Variants in PPFIA2 observed in about 807,000 individuals in gnomAD.
PPFIA2 encodes the protein liprin-alpha-2.
A neutral mutation model predicts 175.5 loss-of-function variants in PPFIA2; 46 were observed. The observed-to-expected ratio is 0.26, with a 90% CI of 0.21 to 0.34. The LOEUF is 0.34. Ranked by LOEUF, PPFIA2 falls within the 10% of genes least tolerant of loss-of-function variation. PPFIA2 has a pLI of 1.00. For missense variants in PPFIA2, 1,179 were observed against 1,506.1 expected, an observed-to-expected ratio of 0.78 and a Z score of 3.60; for synonymous variants, 568 against 511.4, an observed-to-expected ratio of 1.11 and a Z score of -1.49.
chr12:81,687,721 T>C (rs533664997), intron 3 of PPFIA2, among the ~76,000 whole-genome samples: 4 of 152,152 alleles, frequency 2.6e-5, no homozygotes, highest in African/African-American at 9.6e-5. Context: ...TAAATCAATC[T>C]ATGTCCTAGT....
intron 27 of PPFIA2, among the ~76,000 whole-genome samples, chr12:81,280,238 T>C (rs1376753336): frequency 6.6e-6 from 1 of 152,210 alleles, no homozygotes; most frequent in Non-Finnish European, 1.5e-5. Context: ...AAATTCCTTA[T>C]CTTTTTCACA....
At chr12:81,363,264 A>T (rs895483832) in intron 14 of PPFIA2, among the ~76,000 whole-genome samples, 4 of 151,082 alleles carry the variant, frequency 2.6e-5, no homozygotes, top group Admixed American at 2.0e-4. Context: ...CAATTGGAGG[A>T]TTTTTTTAAA....
At position 81,379,837 on chromosome 12, in the gene PPFIA2, T is replaced by G. The variant is rs557383595; in HGVS notation, c.985-3895A>C. 1.3e-3 allele frequency among the ~76,000 whole-genome samples: 194 copies of G among 152,168 alleles called. 1 individual carries two copies. Among genetic ancestry groups the G allele is most frequent in the Non-Finnish European group, 2.4e-3 (163 of 68,024 alleles). On this transcript the variant is annotated intron_variant, in intron 9 of 32. Coordinates refer to ENST00000549396, the MANE Select transcript of PPFIA2 (RefSeq NM_003625.5). ...CAGTGGAACATATTTATAAATTAGA[T>G]TGGTGCAAAAGTAATTGCAGTTTTT...
At chr12:81,622,861 G>A (rs965899394) in intron 4 of PPFIA2, among the ~76,000 whole-genome samples, 8 of 152,072 alleles carry the variant, frequency 5.3e-5, no homozygotes, top group African/African-American at 1.9e-4. Context: ...GATAACCAGA[G>A]TCCTTTAGCA....
At chr12:81,571,152 G>A (rs2153413714) in intron 4 of PPFIA2, among the ~76,000 whole-genome samples, 1 of 151,984 alleles carries the variant, frequency 6.6e-6, no homozygotes, top group East Asian at 1.9e-4. Context: ...ATGCCTATGT[G>A]GAGAATGATT....
chr12:81,477,379 G>A lies in PPFIA2; in HGVS notation c.304-19513C>T, dbSNP rs374118333. Reference sequence around the variant, plus strand: ...TTTGACAGAGAATGATTATGAAGAAGTCAGGAAAACATATTTTTACAAAAT... The same window carrying A: ...TTTGACAGAGAATGATTATGAAGAAATCAGGAAAACATATTTTTACAAAAT... On this transcript the variant is annotated intron_variant, in intron 4 of 32. Transcript: ENST00000549396. Among the ~76,000 whole-genome samples the A allele has an allele frequency of 4.6e-5, 7 of 151,932 alleles. No homozygotes were observed. The South Asian group carries it at 1.2e-3, about 27-fold the overall frequency.
chr12:81,294,510 G>A (rs2045977594), intron 24 of PPFIA2: 1 of 188,590 alleles, frequency 5.3e-6, no homozygotes, highest in Non-Finnish European at 1.0e-5. Context: ...AGGGAGGGAG[G>A]AAGGGAGGGA....
chr12:81,554,418 C>T (rs1342845752), intron 4 of PPFIA2, among the ~76,000 whole-genome samples: 1 of 151,992 alleles, frequency 6.6e-6, no homozygotes, highest in Non-Finnish European at 1.5e-5. Context: ...ATGTCACTTT[C>T]CACTTTTTAA....
intron 3 of PPFIA2, among the ~76,000 whole-genome samples, chr12:81,694,775 G>A (rs1179324832): frequency 6.6e-6 from 1 of 152,186 alleles, no homozygotes; most frequent in Non-Finnish European, 1.5e-5. Flanking sequence ...TGTGCCTGGA[G>A]AAGCCACAGG....
intron 4 of PPFIA2, among the ~76,000 whole-genome samples, chr12:81,593,901 C>T (rs2058963521): frequency 6.6e-6 from 1 of 152,112 alleles, no homozygotes; most frequent in Admixed American, 6.6e-5. Context: ...CTGTCCATGG[C>T]CTGTTAGGAA....
chr12:81,442,901 T>TATATAAATATA (rs2050490592), intron 6 of PPFIA2, among the ~76,000 whole-genome samples: 2 of 54,692 alleles, frequency 3.7e-5, no homozygotes, highest in African/African-American at 1.3e-4. Context: ...ATATATATAG[T>TATATAAATATA]ATTACTTGTT....
intron 22 of PPFIA2, among the ~76,000 whole-genome samples, chr12:81,300,129 A>G (rs2047453827): frequency 6.6e-6 from 1 of 152,118 alleles, no homozygotes; most frequent in Non-Finnish European, 1.5e-5. Flanking sequence ...AATTTCACTG[A>G]CCCTCTTACT....
At chr12:81,529,488 A>G (rs899600427) in intron 4 of PPFIA2, among the ~76,000 whole-genome samples, 2 of 151,768 alleles carry the variant, frequency 1.3e-5, no homozygotes, top group Admixed American at 6.6e-5. Flanking sequence ...TATAAGCTGT[A>G]TATTTATTCC....
chr12:81,567,993 C>T (rs1475059243), intron 4 of PPFIA2, among the ~76,000 whole-genome samples: 1 of 152,168 alleles, frequency 6.6e-6, no homozygotes, highest in Non-Finnish European at 1.5e-5. Flanking sequence ...CCTGTAAAGT[C>T]TGCACTAATT....
chr12:81,432,406 A>G (rs2048247790), intron 7 of PPFIA2, among the ~76,000 whole-genome samples: 1 of 151,650 alleles, frequency 6.6e-6, no homozygotes, highest in South Asian at 2.1e-4. Context: ...CCAGCTTACA[A>G]TTAGTTTTTA....
chr12:81,442,850 TA>T (rs1300359621), intron 6 of PPFIA2, among the ~76,000 whole-genome samples: 2 of 22,662 alleles, frequency 8.8e-5, no homozygotes, highest in Non-Finnish European at 1.7e-4. Context: ...TCTGACTTCA[TA>T]TATATATATA....
chr12:81,712,722 A>T (rs916973429), intron 3 of PPFIA2, among the ~76,000 whole-genome samples: 2 of 150,852 alleles, frequency 1.3e-5, no homozygotes, highest in African/African-American at 2.4e-5. Flanking sequence ...ACAATAACAT[A>T]AAAGGATTTT....
At chr12:81,668,790 T>A (rs2070846888) in intron 4 of PPFIA2, among the ~76,000 whole-genome samples, 1 of 152,030 alleles carries the variant, frequency 6.6e-6, no homozygotes. Context: ...GTGGGGATAC[T>A]TATCATCAAT....
chr12:81,715,725 TA>T (rs2078522163), intron 3 of PPFIA2, among the ~76,000 whole-genome samples: 1 of 151,828 alleles, frequency 6.6e-6, no homozygotes, highest in African/African-American at 2.4e-5. Flanking sequence ...CTATATCACA[TA>T]AAACAATCGT....
Sources: gnomAD v4.1 joint callset for allele counts (sites outside exome capture counted in the v4.1 genomes callset) on GRCh38, gnomAD v4.1.1 for gene constraint, MANE v1.5 for transcripts, NCBI Gene and HGNC (gene_info 2026-07-23, HGNC 2026-07-21) for gene names.